The following PLD3 variants were observed in gnomAD, a reference collection of about 807,000 sequenced individuals.
The protein encoded by PLD3 is 5'-3' exonuclease PLD3.
Under a neutral mutation model 58.4 loss-of-function variants are expected in PLD3, and 31 were observed. That is an observed-to-expected ratio of 0.53 (90% CI 0.40 to 0.72). PLD3 has a LOEUF of 0.72. PLD3 is among the 30% of genes least tolerant of loss of function. PLD3 has a pLI of 0.00. For synonymous variants in PLD3, 264 were observed against 273.4 expected, an observed-to-expected ratio of 0.97 and a Z score of 0.34; for missense variants, 595 against 659.8, an observed-to-expected ratio of 0.90 and a Z score of 1.08.
rs778336622 is a variant in PLD3, at chr19:40,378,366, G to A, written c.*193G>A. The A allele has an allele frequency of 1.0e-5, 7 of 696,754 alleles. No individual in the cohort carries two copies. The highest frequency in any genetic ancestry group is 1.8e-5 in the Non-Finnish European group (7 of 388,126). The allele number at this position is 696,754 out of a possible 1,614,324, so 43.2% of individuals were successfully genotyped here. A position where few individuals can be genotyped will look rare whatever the true frequency, so the allele number is the denominator to read the frequency against. Reference sequence around the variant, plus strand: ...GTGGCCCCGGGACCCAGCAGAGCTGGGGGAGGGATCAGCCCCCAAAGAAAT... The same window carrying A: ...GTGGCCCCGGGACCCAGCAGAGCTGAGGGAGGGATCAGCCCCCAAAGAAAT... On this transcript the variant is annotated 3_prime_UTR_variant, in exon 13 of 13. Transcript: ENST00000409735.
chr19:40,350,966 G>C lies in PLD3; in HGVS notation c.-279+2198G>C, dbSNP rs760149591. Among the ~76,000 whole-genome samples, 5 of 152,110 alleles carry C rather than the reference G, an allele frequency of 3.3e-5. No homozygotes were observed. In the East Asian group the frequency reaches 9.7e-4, roughly 29 times the overall value. On this transcript the variant is annotated intron_variant, in intron 1 of 12. Transcript: ENST00000409735. ...GAGAAGAGAGAGTAGGGCTGGGCAC[G>C]GTGGCTCACGCCTGTGATCACAGCA... is the stretch of plus-strand genomic sequence containing the variant.
intron 1 of PLD3, among the ~76,000 whole-genome samples, chr19:40,354,965 A>G (rs1429644853): frequency 1.3e-5 from 2 of 150,616 alleles, no homozygotes; most frequent in Non-Finnish European, 3.0e-5. Flanking sequence ...AGCCCCCTCA[A>G]GTAGCTGGGA....
At chr19:40,361,951 C>A (rs1162352873) in intron 1 of PLD3, among the ~76,000 whole-genome samples, 3 of 152,102 alleles carry the variant, frequency 2.0e-5, no homozygotes. Flanking sequence ...ATTCGCCCAC[C>A]TCAGCCTCCT....
intron 1 of PLD3, among the ~76,000 whole-genome samples, chr19:40,354,841 T>C (rs909355959): frequency 6.7e-6 from 1 of 150,220 alleles, no homozygotes; most frequent in African/African-American, 2.5e-5. Flanking sequence ...ATTTTTGTTT[T>C]TGTGTTGTTG....
At chr19:40,364,535 T>C (rs2078867053) in intron 1 of PLD3, among the ~76,000 whole-genome samples, 3 of 151,758 alleles carry the variant, frequency 2.0e-5, no homozygotes, top group African/African-American at 7.3e-5. Context: ...CTCATGCCTG[T>C]AATCCCAGCA....
At chr19:40,356,900 G>T (rs950590784) in intron 1 of PLD3, 1 of 152,214 alleles carries the variant, frequency 6.6e-6, no homozygotes, top group Non-Finnish European at 1.5e-5. Context: ...TTTTGAGCAG[G>T]AGTGAGACAG....
chr19:40,362,509 C>T (rs891779276), intron 1 of PLD3, among the ~76,000 whole-genome samples: 2 of 152,214 alleles, frequency 1.3e-5, no homozygotes, highest in Non-Finnish European at 2.9e-5. Flanking sequence ...GATCACTGCT[C>T]ACTGCAGTCT....
At chr19:40,375,447 G>A (rs2079170811) in intron 10 of PLD3, among the ~76,000 whole-genome samples, 1 of 150,418 alleles carries the variant, frequency 6.6e-6, no homozygotes, top group Admixed American at 6.6e-5. Context: ...TCAGGAGATC[G>A]AGACCATCCT....
chr19:40,354,686 C>A (rs548909605), intron 1 of PLD3, among the ~76,000 whole-genome samples: 1 of 152,110 alleles, frequency 6.6e-6, no homozygotes, highest in East Asian at 1.9e-4. Context: ...CCACCACGCC[C>A]TGCTAATTTT....
At chr19:40,353,722 G>T (rs1027574333) in intron 1 of PLD3, among the ~76,000 whole-genome samples, 1 of 151,148 alleles carries the variant, frequency 6.6e-6, no homozygotes, top group East Asian at 2.0e-4. Context: ...GGGACTACAG[G>T]TACCCGCCAC....
chr19:40,377,662 C>T lies in PLD3; in HGVS notation c.1186-124C>T, dbSNP rs576363766. 10 of 715,286 alleles carry T rather than the reference C, an allele frequency of 1.4e-5. No homozygotes were observed. In the East Asian group the frequency reaches 2.7e-4, roughly 19 times the overall value. 44.3% of individuals were successfully genotyped at this position (715,286 alleles called of 1,614,324 possible). A position where few individuals can be genotyped will look rare whatever the true frequency, so the allele number is the denominator to read the frequency against. ...CCTCCACCTGGCCCTGTTCTGGCCC[C>T]CGAGGATTCTGTGGGAAGCAGTGGA... On this transcript the variant is annotated intron_variant, in intron 11 of 12. Transcript: ENST00000409735.
chr19:40,350,332 G>GC (rs2078478650), intron 1 of PLD3, among the ~76,000 whole-genome samples: 1 of 150,720 alleles, frequency 6.6e-6, no homozygotes, highest in African/African-American at 2.4e-5. Context: ...CTCAGTTACT[G>GC]CATCTGCAAT....
chr19:40,357,296 G>C, intron 1 of PLD3: 1 of 152,152 alleles, frequency 6.6e-6, no homozygotes. Flanking sequence ...TCGCTCTGTT[G>C]CCCAGGCTAG....
chr19:40,372,891 G>T (rs1235420403), intron 9 of PLD3, among the ~76,000 whole-genome samples: 2 of 152,102 alleles, frequency 1.3e-5, no homozygotes, highest in African/African-American at 2.4e-5. Flanking sequence ...AAAAAATTCA[G>T]TTCCTCATGC....
chr19:40,377,988 A>T lies in PLD3; in HGVS notation c.1288A>T (p.Thr430Ser), dbSNP rs1318548972. ...ATGCTCCACCCATTCCTCTCTAGGAACCTCCAACTGGTCTGGCAACTACTT... is the reference window on the plus strand; with the variant it reads ...ATGCTCCACCCATTCCTCTCTAGGATCCTCCAACTGGTCTGGCAACTACTT... ...MVTERATYIG[T>S]SNWSGNYFTE... Residue 430 changes from threonine to serine, a missense_variant and splice_region_variant, in exon 13 of 13, where the codon ACC becomes TCC. By Grantham distance (58) the Thr-to-Ser change is moderately conservative. Transcript: ENST00000409735. 2 of 1,611,952 alleles carry T rather than the reference A, an allele frequency of 1.2e-6. No homozygotes were observed. The highest frequency in any genetic ancestry group is 1.7e-6 in the Non-Finnish European group (2 of 1,178,736).
chr19:40,361,622 A>G (rs1191279572), intron 1 of PLD3, among the ~76,000 whole-genome samples: 1 of 151,528 alleles, frequency 6.6e-6, no homozygotes, highest in Non-Finnish European at 1.5e-5. Context: ...CACCAGGCAC[A>G]TTCCTCCCTC....
chr19:40,376,127 G>A (rs779324390), intron 10 of PLD3: 5 of 154,876 alleles, frequency 3.2e-5, no homozygotes, highest in African/African-American at 4.8e-5. Context: ...AGGCCAAGGC[G>A]GGCAGATCAC....
chr19:40,366,983 A>G, intron 5 of PLD3, 68 bp downstream of exon 5: 2 of 1,506,278 alleles, frequency 1.3e-6, no homozygotes, highest in Non-Finnish European at 1.8e-6. Context: ...AGCACACACT[A>G]AACAGGGCCT....
At chr19:40,370,389 C>G in intron 8 of PLD3, 152 bp downstream of exon 8, 2 of 810,996 alleles carry the variant, frequency 2.5e-6, no homozygotes, top group Non-Finnish European at 3.9e-6. Flanking sequence ...CTCCCTAATC[C>G]AAGCCATGCA....
Sources: gnomAD v4.1 joint callset for allele counts (sites outside exome capture counted in the v4.1 genomes callset) on GRCh38, gnomAD v4.1.1 for gene constraint, MANE v1.5 for transcripts, NCBI Gene and HGNC (gene_info 2026-07-23, HGNC 2026-07-21) for gene names.